MARCHF1: variants seen among roughly 807,000 people sequenced by gnomAD.
The protein encoded by MARCHF1 is E3 ubiquitin-protein ligase MARCHF1.
Under a neutral mutation model 54.2 loss-of-function variants are expected in MARCHF1, and 40 were observed. The observed-to-expected ratio is 0.74, with a 90% CI of 0.57 to 0.96. The LOEUF is 0.96. Among genes scored for constraint, MARCHF1 ranks in the 40% least tolerant of loss-of-function variants. The pLI is 0.00. For synonymous variants in MARCHF1, 236 were observed against 236.3 expected, an observed-to-expected ratio of 1.00 and a Z score of 0.01; for missense variants, 586 against 656.5, an observed-to-expected ratio of 0.89 and a Z score of 1.17.
At chr4:164,062,812 C>G (rs1262916508) in intron 2 of MARCHF1, among the ~76,000 whole-genome samples, 1 of 152,180 alleles carries the variant, frequency 6.6e-6, no homozygotes, top group South Asian at 2.1e-4. Flanking sequence ...GCATGAGTCA[C>G]CACGCCAGGC....
chr4:163,770,764 A>C (rs931633472), intron 4 of MARCHF1, among the ~76,000 whole-genome samples: 4 of 152,210 alleles, frequency 2.6e-5, no homozygotes, highest in African/African-American at 9.7e-5. Context: ...GTTGGGAAGA[A>C]AAAGTTCTTC....
intron 4 of MARCHF1, among the ~76,000 whole-genome samples, chr4:163,766,328 G>A (rs1002037366): frequency 6.6e-6 from 1 of 151,982 alleles, no homozygotes; most frequent in Non-Finnish European, 1.5e-5. Context: ...GTCCTATAAT[G>A]CTTATGTAAA....
chr4:163,612,240 T>A, intron 7 of MARCHF1, 31 bp downstream of exon 7: 4 of 1,448,126 alleles, frequency 2.8e-6, no homozygotes, highest in Non-Finnish European at 3.6e-6. Context: ...TATATATGGA[T>A]GACATCAAGC....
chr4:164,064,932 G>C (rs1754695038), intron 2 of MARCHF1, among the ~76,000 whole-genome samples: 1 of 152,124 alleles, frequency 6.6e-6, no homozygotes, highest in South Asian at 2.1e-4. Flanking sequence ...CTTTAGTTCT[G>C]TTTATGTGAT....
chr4:163,631,485 G>A (rs960750321), intron 5 of MARCHF1, among the ~76,000 whole-genome samples: 3 of 152,142 alleles, frequency 2.0e-5, no homozygotes, highest in Non-Finnish European at 4.4e-5. Flanking sequence ...GAGCCATGGC[G>A]CCAGGCCAAG....
At chr4:164,104,925 T>C (rs577056544) in intron 2 of MARCHF1, among the ~76,000 whole-genome samples, 2 of 64,962 alleles carry the variant, frequency 3.1e-5, no homozygotes, top group African/African-American at 7.4e-5. Context: ...AAGTCTCAGA[T>C]ATAAAATCAA....
At chr4:164,293,470 T>C (rs1323238647) in intron 1 of MARCHF1, among the ~76,000 whole-genome samples, 1 of 152,246 alleles carries the variant, frequency 6.6e-6, no homozygotes, top group Non-Finnish European at 1.5e-5. Flanking sequence ...TGTTGCTGGA[T>C]AAAACTTTCG....
At chr4:163,533,045 C>G (rs1257053147) in intron 9 of MARCHF1, among the ~76,000 whole-genome samples, 1 of 151,904 alleles carries the variant, frequency 6.6e-6, no homozygotes, top group Non-Finnish European at 1.5e-5. Flanking sequence ...ACACAAAAAC[C>G]TGCACACAAA....
At chr4:163,782,373 ATTGAAAG>A (rs1236427221) in intron 4 of MARCHF1, among the ~76,000 whole-genome samples, 1 of 152,170 alleles carries the variant, frequency 6.6e-6, no homozygotes, top group Non-Finnish European at 1.5e-5. Context: ...CAGAGTCCTT[ATTGAAAG>A]GTCCAGCAGG....
At chr4:163,610,595 G>T (rs1741305241) in intron 7 of MARCHF1, among the ~76,000 whole-genome samples, 1 of 152,100 alleles carries the variant, frequency 6.6e-6, no homozygotes, top group South Asian at 2.1e-4. Flanking sequence ...GACAACAGAT[G>T]GTTGCAAGTG....
intron 7 of MARCHF1, among the ~76,000 whole-genome samples, chr4:163,600,951 G>A (rs145506881): frequency 6.6e-6 from 1 of 152,262 alleles, no homozygotes; most frequent in South Asian, 2.1e-4. Flanking sequence ...GAACTAACAC[G>A]CTCCTGGAGT....
chr4:164,059,301 T>C (rs1279566197), intron 2 of MARCHF1, among the ~76,000 whole-genome samples: 5 of 152,218 alleles, frequency 3.3e-5, no homozygotes, highest in African/African-American at 9.6e-5. Flanking sequence ...TTGATTCAGT[T>C]TGCTTCACCA....
intron 3 of MARCHF1, among the ~76,000 whole-genome samples, chr4:163,913,944 G>A (rs1751250747): frequency 6.6e-6 from 1 of 152,128 alleles, no homozygotes; most frequent in East Asian, 1.9e-4. Flanking sequence ...CTACAAAACA[G>A]GCGTGAGTCT....
intron 9 of MARCHF1, among the ~76,000 whole-genome samples, chr4:163,537,207 T>C (rs1738565083): frequency 6.6e-6 from 1 of 152,148 alleles, no homozygotes; most frequent in African/African-American, 2.4e-5. Context: ...GCTAAATGGA[T>C]TTTTCAAGAA....
intron 1 of MARCHF1, among the ~76,000 whole-genome samples, chr4:164,320,470 G>A (rs1034572696): frequency 1.3e-5 from 2 of 152,158 alleles, no homozygotes; most frequent in African/African-American, 2.4e-5. Flanking sequence ...TGGAAGGAAA[G>A]GGACAACCGT....
At chr4:164,224,489 T>C (rs1732197690) in intron 1 of MARCHF1, among the ~76,000 whole-genome samples, 1 of 151,954 alleles carries the variant, frequency 6.6e-6, no homozygotes, top group Non-Finnish European at 1.5e-5. Flanking sequence ...TTGTCTTTCA[T>C]CCATCTACCT....
chr4:164,212,710 T>TG (rs1258187661), intron 1 of MARCHF1, among the ~76,000 whole-genome samples: 1 of 152,212 alleles, frequency 6.6e-6, no homozygotes, highest in Non-Finnish European at 1.5e-5. Flanking sequence ...TATGTATCCA[T>TG]GGGTTCGGTA....
chr4:164,153,818 TA>T lies in MARCHF1; in HGVS notation c.-322-42157del, dbSNP rs1356434931. 2.0e-5 allele frequency among the ~76,000 whole-genome samples: 3 copies of T among 152,110 alleles called. No homozygotes were observed. In the East Asian group the frequency reaches 5.8e-4, roughly 29 times the overall value. Reference sequence around the variant, plus strand: ...ACAAATATGCTATTAACAAAAGTCATAAAAAACAACATGTATGATATATACA... The same window carrying T: ...ACAAATATGCTATTAACAAAAGTCATAAAAACAACATGTATGATATATACA... On this transcript the variant is annotated intron_variant, in intron 1 of 9. Coordinates refer to ENST00000514618, the MANE Select transcript of MARCHF1 (RefSeq NM_001394959.1).
chr4:163,991,934 C>A (rs1752974020), intron 2 of MARCHF1, among the ~76,000 whole-genome samples: 1 of 151,876 alleles, frequency 6.6e-6, no homozygotes, highest in Non-Finnish European at 1.5e-5. Flanking sequence ...CTCAGTTTTC[C>A]CCCAAGAGAT....
Sources: allele counts gnomAD v4.1 joint callset (sites outside exome capture counted in the v4.1 genomes callset), GRCh38; gene constraint gnomAD v4.1.1; transcripts MANE v1.5; gene names NCBI Gene and HGNC (gene_info 2026-07-23, HGNC 2026-07-21).